Variants in ZNF506 observed in about 807,000 individuals in gnomAD.
The protein encoded by ZNF506 is zinc finger protein 506.
ZNF506 carries 10 observed loss-of-function variants against 11.6 expected under a neutral mutation model. The observed-to-expected ratio is 0.86, with a 90% confidence interval of 0.53 to 1.46. ZNF506 has a LOEUF of 1.46. Among genes scored for constraint, ZNF506 ranks in the 40% most tolerant of loss-of-function variants. ZNF506 has a pLI of 0.00. For missense variants in ZNF506, 425 were observed against 521.2 expected (o/e 0.82, Z 1.80); for synonymous variants, 156 against 173.3 (o/e 0.90, Z 0.78).
intron 3 of ZNF506, among the ~76,000 whole-genome samples, chr19:19,801,510 C>T (rs989604058): frequency 3.1e-4 from 45 of 147,376 alleles, no homozygotes; most frequent in Non-Finnish European, 4.9e-4. Flanking sequence ...AAAAAAAAGA[C>T]GGGCATGGAG....
chr19:19,800,847 ACTC>A (rs1485390529), intron 3 of ZNF506, among the ~76,000 whole-genome samples: 1 of 152,158 alleles, frequency 6.6e-6, no homozygotes, highest in African/African-American at 2.4e-5. Context: ...TTTTATGACT[ACTC>A]ACGTAGACAG....
At chr19:19,808,946 T>A (rs1455370307) in intron 1 of ZNF506, among the ~76,000 whole-genome samples, 6 of 152,140 alleles carry the variant, frequency 3.9e-5, no homozygotes, top group Non-Finnish European at 7.4e-5. Flanking sequence ...TAGGCTTCAC[T>A]TAGCTCCCTA....
At chr19:19,806,757 T>C (rs1389806958) in intron 2 of ZNF506, among the ~76,000 whole-genome samples, 185 bp downstream of exon 2, 1 of 152,180 alleles carries the variant, frequency 6.6e-6, no homozygotes, top group African/African-American at 2.4e-5. Context: ...TGTGGAAAGT[T>C]TGGATTAAGA....
intron 1 of ZNF506, among the ~76,000 whole-genome samples, chr19:19,808,887 A>G (rs1190268679): frequency 4.0e-5 from 6 of 150,740 alleles, no homozygotes; most frequent in Non-Finnish European, 5.9e-5. Context: ...TGCAAACTTT[A>G]AAATACAGAT....
intron 1 of ZNF506, among the ~76,000 whole-genome samples, chr19:19,812,540 C>G (rs10412885): frequency 0.45 from 67,888 of 152,108 alleles, 16,133 homozygotes; most frequent in East Asian, 0.71. Flanking sequence ...TATGCCATCA[C>G]ATTCTATTTC....
At chr19:19,806,913 T>G in intron 2 of ZNF506, 29 bp downstream of exon 2, 1 of 1,602,540 alleles carries the variant, frequency 6.2e-7, no homozygotes, top group African/African-American at 1.3e-5. Context: ...AGAGTAATAT[T>G]ATGAATTATG....
intron 1 of ZNF506, among the ~76,000 whole-genome samples, chr19:19,818,421 A>G (rs1322772040): frequency 6.6e-6 from 1 of 152,166 alleles, no homozygotes; most frequent in Non-Finnish European, 1.5e-5. Context: ...TTCCTGTGGA[A>G]ACATTTTCAT....
chr19:19,814,815 CAGG>C (rs2062916356), intron 1 of ZNF506, among the ~76,000 whole-genome samples: 1 of 152,062 alleles, frequency 6.6e-6, no homozygotes, highest in Admixed American at 6.6e-5. Context: ...CGTGTGCATG[CAGG>C]CAGGTGAGAT....
intron 3 of ZNF506, chr19:19,796,937 G>A (rs2062747104): frequency 6.6e-6 from 1 of 152,096 alleles, no homozygotes; most frequent in Non-Finnish European, 1.5e-5. Context: ...AAATATGTTT[G>A]AGAAATTCCA....
chr19:19,811,287 G>C (rs2062880631), intron 1 of ZNF506, among the ~76,000 whole-genome samples: 1 of 152,038 alleles, frequency 6.6e-6, no homozygotes, highest in African/African-American at 2.4e-5. Context: ...AGCCTCCCAA[G>C]TAGCTAGAAC....
chr19:19,802,984 A>T (rs950863310), intron 3 of ZNF506, among the ~76,000 whole-genome samples: 7 of 152,228 alleles, frequency 4.6e-5, no homozygotes, highest in Middle Eastern at 3.2e-3. Flanking sequence ...AGTCTGCGTT[A>T]TGTAGCAAGA....
intron 1 of ZNF506, among the ~76,000 whole-genome samples, chr19:19,813,252 T>C (rs1411317141): frequency 6.6e-6 from 1 of 152,212 alleles, no homozygotes; most frequent in African/African-American, 2.4e-5. Context: ...TAATATCTAC[T>C]ATAACAATTT....
At position 19,794,235 on chromosome 19, in the gene ZNF506, A is replaced by C; in HGVS notation, c.*317T>G. ...TGAGGCAGGAGAATGGCTTGATACC[A>C]GGAGGCAGAAGTTGCAGTGAGCTGA... On this transcript the variant is annotated 3_prime_UTR_variant, in exon 4 of 4. Transcript: ENST00000540806. 5.1e-6 allele frequency: 1 copy of C among 195,964 alleles called. No homozygotes were observed. Among genetic ancestry groups the C allele is most frequent in the South Asian group, 9.5e-5 (1 of 10,538 alleles). 12.1% of individuals were successfully genotyped at this position (195,964 alleles called of 1,614,324 possible).
chr19:19,817,407 T>C (rs2145208158), intron 1 of ZNF506, among the ~76,000 whole-genome samples: 1 of 148,544 alleles, frequency 6.7e-6, no homozygotes, highest in African/African-American at 2.5e-5. Flanking sequence ...TGCAATACTT[T>C]TTTAGAATTT....
At chr19:19,820,443 C>G (rs1009546025) in intron 1 of ZNF506, 1 of 152,268 alleles carries the variant, frequency 6.6e-6, no homozygotes, top group South Asian at 2.1e-4. Context: ...CGCCTGTAAT[C>G]CCAGCAATTT....
chr19:19,809,815 T>C (rs1296779976), intron 1 of ZNF506, among the ~76,000 whole-genome samples: 2 of 152,192 alleles, frequency 1.3e-5, no homozygotes, highest in Non-Finnish European at 2.9e-5. Context: ...GACCATCCTT[T>C]AGTGCAAAGG....
At chr19:19,799,519 C>A in intron 3 of ZNF506, 3 of 625,060 alleles carry the variant, frequency 4.8e-6, no homozygotes, top group Non-Finnish European at 5.6e-6. Context: ...CTTTCTATGA[C>A]AAAAATGGAA....
rs767445388 is a variant in ZNF506 at position 19,795,456 on chromosome 19, AT to A, written c.430del (p.Ile144TyrfsTer8). On this transcript the variant is annotated frameshift_variant, in exon 4 of 4. Coordinates refer to ENST00000540806, the MANE Select transcript of ZNF506 (RefSeq NM_001099269.3). LOFTEE classifies it low-confidence loss of function (END_TRUNC). ...KQCLATTQRK[I>X]FQCDEYVKFL... ...TTTCACATATTCATCACATTGAAAT[AT>A]TTTTCTCTGGGTAGTTGCCAAACAT... is the stretch of plus-strand genomic sequence containing the variant. 1 of 1,596,300 alleles carries A rather than the reference AT, an allele frequency of 6.3e-7. No homozygotes were observed. Among genetic ancestry groups the A allele is most frequent in the Non-Finnish European group, 8.5e-7 (1 of 1,173,186 alleles).
chr19:19,812,509 C>A (rs1218126404), intron 1 of ZNF506, among the ~76,000 whole-genome samples: 1 of 152,226 alleles, frequency 6.6e-6, no homozygotes, highest in Non-Finnish European at 1.5e-5. Flanking sequence ...TACTTTGCAG[C>A]CTTGATCTCT....
Sources: gnomAD v4.1 joint callset for allele counts (sites outside exome capture counted in the v4.1 genomes callset) on GRCh38, gnomAD v4.1.1 for gene constraint, MANE v1.5 for transcripts, NCBI Gene and HGNC (gene_info 2026-07-23, HGNC 2026-07-21) for gene names.